SPATA17: variants seen among roughly 807,000 people sequenced by gnomAD.
SPATA17 encodes spermatogenesis associated 17.
SPATA17 carries 53 observed loss-of-function variants against 62.2 expected under a neutral mutation model. The observed-to-expected ratio is 0.85, with a 90% CI of 0.68 to 1.07. The LOEUF (loss-of-function observed/expected upper bound fraction) is 1.07. Among genes scored for constraint, SPATA17 ranks in the 50% least tolerant of loss-of-function variants. SPATA17 has a pLI of 0.00. For synonymous variants in SPATA17, 146 were observed against 146.8 expected (o/e 0.99, Z 0.04); for missense variants, 466 against 425.5 (o/e 1.10, Z -0.84).
At chr1:217,664,305 T>A (rs1258375268) in intron 3 of SPATA17, among the ~76,000 whole-genome samples, 2 of 147,870 alleles carry the variant, frequency 1.4e-5, no homozygotes, top group Non-Finnish European at 3.0e-5. Context: ...TTTTTTTTTT[T>A]TTTTTGAGAT....
chr1:217,757,284 A>C (rs149672104), intron 6 of SPATA17, among the ~76,000 whole-genome samples: 34 of 152,332 alleles, frequency 2.2e-4, no homozygotes, highest in Admixed American at 3.3e-4. Context: ...ACATACCTCT[A>C]TCTCAAAATT....
chr1:217,765,655 T>G (rs1673281802), intron 6 of SPATA17, among the ~76,000 whole-genome samples: 2 of 152,006 alleles, frequency 1.3e-5, no homozygotes, highest in African/African-American at 4.8e-5. Flanking sequence ...TTAAATTTGT[T>G]AAGATGTGTT....
At chr1:217,860,990 C>T (rs763262727) in intron 9 of SPATA17, among the ~76,000 whole-genome samples, 11 of 152,032 alleles carry the variant, frequency 7.2e-5, no homozygotes, top group South Asian at 2.1e-4. Context: ...TTTTCTGTAG[C>T]GATTGTTCTA....
intron 5 of SPATA17, among the ~76,000 whole-genome samples, chr1:217,712,672 T>C (rs1351235841): frequency 6.6e-6 from 1 of 152,164 alleles, no homozygotes; most frequent in East Asian, 1.9e-4. Flanking sequence ...GAAATATTTC[T>C]AGCATTCTGA....
At chr1:217,739,107 G>A (rs1388297309) in intron 5 of SPATA17, among the ~76,000 whole-genome samples, 4 of 152,056 alleles carry the variant, frequency 2.6e-5, no homozygotes, top group African/African-American at 9.7e-5. Context: ...AATATGTAAA[G>A]CTTTGCAAAA....
intron 9 of SPATA17, among the ~76,000 whole-genome samples, chr1:217,803,127 T>C (rs1674352781): frequency 6.6e-6 from 1 of 152,148 alleles, no homozygotes; most frequent in Admixed American, 6.5e-5. Flanking sequence ...TTAGCCACGA[T>C]GGTCTCCTTC....
In SPATA17 at chr1:217,790,447, TA is replaced by T. The variant is rs1558052187; in HGVS notation, c.872+8126del. ...AAAAAGTAAGTAAATTACTCACTTT[TA>T]TTTTTTTTTTGAGACAGAGTCTTGC... On this transcript the variant is annotated intron_variant, in intron 8 of 10. Transcript: ENST00000366933. 2.6e-5 allele frequency among the ~76,000 whole-genome samples: 4 copies of T among 152,196 alleles called. No individual in the cohort carries two copies. The South Asian group carries it at 6.2e-4, about 24-fold the overall frequency.
chr1:217,784,649 A>G (rs1417966943), intron 8 of SPATA17, among the ~76,000 whole-genome samples: 1 of 152,214 alleles, frequency 6.6e-6, no homozygotes, highest in African/African-American at 2.4e-5. Context: ...AGTGTCAGGA[A>G]CATAGTAGGG....
chr1:217,807,729 TA>T (rs1484718880), intron 9 of SPATA17, among the ~76,000 whole-genome samples: 1 of 151,846 alleles, frequency 6.6e-6, no homozygotes, highest in Non-Finnish European at 1.5e-5. Context: ...AAGAAAAAAA[TA>T]TTTTTTTATC....
intron 9 of SPATA17, among the ~76,000 whole-genome samples, chr1:217,824,805 T>C (rs1412710785): frequency 6.6e-6 from 1 of 151,044 alleles, no homozygotes; most frequent in East Asian, 2.0e-4. Context: ...AGGTTAATAA[T>C]ATATGTTAGA....
At chr1:217,631,709 T>C (rs185612391) in intron 1 of SPATA17, among the ~76,000 whole-genome samples, 26 of 152,302 alleles carry the variant, frequency 1.7e-4, no homozygotes, top group Admixed American at 9.8e-4. Flanking sequence ...GTGCTTTTTT[T>C]CTTCGACATC....
chr1:217,686,513 A>G (rs1671218953), intron 5 of SPATA17, among the ~76,000 whole-genome samples: 1 of 152,072 alleles, frequency 6.6e-6, no homozygotes, highest in African/African-American at 2.4e-5. Context: ...TATATTTTTT[A>G]GAGAAACATC....
At chr1:217,749,835 T>C (rs1363541064) in intron 6 of SPATA17, among the ~76,000 whole-genome samples, 1 of 151,032 alleles carries the variant, frequency 6.6e-6, no homozygotes, top group Non-Finnish European at 1.5e-5. Flanking sequence ...TTCAAAATTC[T>C]TTACAATCTG....
Position 217,863,370 on chromosome 1 carries a change from A to C in SPATA17, c.*2+514A>C, listed in dbSNP as rs894414755. ...GGTCTCGAACTCCTGGCCTCAAGTG[A>C]TCTGCCCTCCGTGGCCTCCCAAAAT... On this transcript the variant is annotated intron_variant, in intron 10 of 10. Transcript: ENST00000366933. 2.2e-4 allele frequency among the ~76,000 whole-genome samples: 33 copies of C among 152,144 alleles called. No individual in the cohort carries two copies. In the East Asian group the frequency reaches 2.3e-3, roughly 11 times the overall value.
intron 6 of SPATA17, among the ~76,000 whole-genome samples, chr1:217,759,462 A>C (rs956494451): frequency 3.9e-5 from 6 of 152,146 alleles, no homozygotes; most frequent in African/African-American, 1.2e-4. Flanking sequence ...ATGCCTTAAA[A>C]AAAAAAGGAA....
At chr1:217,812,086 T>C (rs11578620) in intron 9 of SPATA17, among the ~76,000 whole-genome samples, 44,220 of 152,012 alleles carry the variant, frequency 0.29, 7,703 homozygotes, top group Non-Finnish European at 0.38. Flanking sequence ...CTCAAGCAAG[T>C]ATATTTGGCT....
chr1:217,641,740 C>G (rs1013453877), intron 1 of SPATA17, among the ~76,000 whole-genome samples: 1 of 152,042 alleles, frequency 6.6e-6, no homozygotes, highest in African/African-American at 2.4e-5. Context: ...CCTGATGTCC[C>G]ATTGTGCCCC....
chr1:217,801,539 G>C (rs1468276003), intron 8 of SPATA17, among the ~76,000 whole-genome samples, 179 bp from the exon 9 acceptor site: 1 of 152,094 alleles, frequency 6.6e-6, no homozygotes, highest in Non-Finnish European at 1.5e-5. Context: ...AGAAAATAAA[G>C]ATTAATAGAA....
intron 9 of SPATA17, among the ~76,000 whole-genome samples, chr1:217,861,138 A>C (rs1242493160): frequency 1.3e-5 from 2 of 151,878 alleles, no homozygotes; most frequent in African/African-American, 4.8e-5. Flanking sequence ...GCTGTCATTT[A>C]TTTCCCTTGT....
Sources: gnomAD v4.1 joint callset for allele counts (sites outside exome capture counted in the v4.1 genomes callset) on GRCh38, gnomAD v4.1.1 for gene constraint, MANE v1.5 for transcripts, NCBI Gene and HGNC (gene_info 2026-07-23, HGNC 2026-07-21) for gene names.